The following PHTF2 variants were observed in gnomAD, a reference collection of about 807,000 sequenced individuals.
PHTF2 encodes protein PHTF2.
PHTF2 carries 60 observed loss-of-function variants against 101.2 expected under a neutral mutation model. That is an observed-to-expected ratio of 0.59 (90% CI 0.48 to 0.73). The LOEUF is 0.73. PHTF2 is among the 30% of genes least tolerant of loss of function. PHTF2 has a pLI of 0.00. For missense variants in PHTF2, 747 were observed against 908.7 expected (o/e 0.82, Z 2.29); for synonymous variants, 311 against 307.3 (o/e 1.01, Z -0.13).
chr7:77,880,830 A>T (rs1799348306), intron 3 of PHTF2, among the ~76,000 whole-genome samples: 1 of 152,210 alleles, frequency 6.6e-6, no homozygotes, highest in African/African-American at 2.4e-5. Flanking sequence ...GCATATTATC[A>T]TGCCTGGCAT....
At chr7:77,906,452 T>C (rs1490371544) in intron 7 of PHTF2, 1 of 152,130 alleles carries the variant, frequency 6.6e-6, no homozygotes, top group African/African-American at 2.4e-5. Context: ...AGGAAGAAAG[T>C]GGCTCCTCCT....
At chr7:77,869,931 A>G (rs1438747774) in intron 3 of PHTF2, among the ~76,000 whole-genome samples, 1 of 152,002 alleles carries the variant, frequency 6.6e-6, no homozygotes, top group Non-Finnish European at 1.5e-5. Flanking sequence ...ATATATTTGA[A>G]TTGGATTATT....
chr7:77,945,917 A>G (rs1202681030), intron 16 of PHTF2, among the ~76,000 whole-genome samples: 1 of 152,212 alleles, frequency 6.6e-6, no homozygotes, highest in Non-Finnish European at 1.5e-5. Context: ...ATAATCCTAA[A>G]CTTACACAAA....
intron 5 of PHTF2, among the ~76,000 whole-genome samples, chr7:77,899,371 C>G (rs1019067767): frequency 6.6e-6 from 1 of 151,364 alleles, no homozygotes; most frequent in Non-Finnish European, 1.5e-5. Context: ...TTTTTTCACT[C>G]CATGCGTGTC....
At chr7:77,866,245 A>T (rs1798057578) in intron 3 of PHTF2, among the ~76,000 whole-genome samples, 1 of 152,026 alleles carries the variant, frequency 6.6e-6, no homozygotes, top group African/African-American at 2.4e-5. Flanking sequence ...ACATTTCCTG[A>T]AGTGTGCTCT....
intron 7 of PHTF2, among the ~76,000 whole-genome samples, chr7:77,902,873 T>C (rs1801525554): frequency 6.6e-6 from 1 of 152,188 alleles, no homozygotes; most frequent in African/African-American, 2.4e-5. Context: ...TTACATCTTA[T>C]ATACATAAAA....
At chr7:77,836,160 A>AT (rs1349722402) in intron 1 of PHTF2, among the ~76,000 whole-genome samples, 25 of 151,866 alleles carry the variant, frequency 1.6e-4, no homozygotes, top group African/African-American at 5.6e-4. Flanking sequence ...AGAAGAGAAA[A>AT]TACATTTACT....
intron 3 of PHTF2, among the ~76,000 whole-genome samples, chr7:77,890,599 CTTTTTTTTTTT>C (rs747882978): frequency 7.1e-5 from 6 of 84,210 alleles, no homozygotes; most frequent in East Asian, 3.3e-4. Flanking sequence ...AATAGTTACA[CTTTTTTTTTTT>C]TTTTTTTTTT....
At chr7:77,865,478 G>A (rs1033673300) in intron 3 of PHTF2, among the ~76,000 whole-genome samples, 4 of 152,074 alleles carry the variant, frequency 2.6e-5, no homozygotes, top group African/African-American at 9.7e-5. Context: ...ACCCAGCGCA[G>A]CCTCCTAAAG....
At chr7:77,909,366 GT>G (rs977245331) in intron 8 of PHTF2, 95 of 142,402 alleles carry the variant, frequency 6.7e-4, no homozygotes, top group African/African-American at 1.4e-3. Context: ...GTTTTGTTTT[GT>G]TTTTTTTTTT....
At chr7:77,932,535 A>G (rs1804662102) in intron 12 of PHTF2, among the ~76,000 whole-genome samples, 2 of 151,662 alleles carry the variant, frequency 1.3e-5, no homozygotes, top group African/African-American at 4.8e-5. Flanking sequence ...TTAAGTTACC[A>G]TTTGTGGAGA....
chr7:77,915,852 G>A (rs1331868912), intron 9 of PHTF2, among the ~76,000 whole-genome samples: 2 of 152,082 alleles, frequency 1.3e-5, no homozygotes, highest in Admixed American at 6.5e-5. Flanking sequence ...GAAACTACTA[G>A]CCTTGCTGTC....
intron 9 of PHTF2, among the ~76,000 whole-genome samples, chr7:77,918,694 T>C (rs1803167274): frequency 6.6e-6 from 1 of 152,210 alleles, no homozygotes; most frequent in African/African-American, 2.4e-5. Context: ...CTGCGTCTTT[T>C]ATTTTCTATT....
At position 77,935,112 on chromosome 7, in the gene PHTF2, G is replaced by T. The variant is rs564282398; in HGVS notation, c.1339-2598G>T. Among the ~76,000 whole-genome samples, 12 of 116,120 alleles carry T rather than the reference G, an allele frequency of 1.0e-4. 1 individual carries two copies. The highest frequency in any genetic ancestry group is 4.0e-4 in the African/African-American group (11 of 27,266). 76.2% of individuals were successfully genotyped at this position (116,120 alleles called of 152,430 possible). ...CATGATTCAACAAGACTGTTTTTCA[G>T]TGTACATTCCCCCCCCCCACACACA... On this transcript the variant is annotated intron_variant, in intron 12 of 19. Transcript: ENST00000416283.
chr7:77,810,577 G>A (rs191834458), intron 1 of PHTF2, among the ~76,000 whole-genome samples: 32 of 152,134 alleles, frequency 2.1e-4, no homozygotes, highest in Admixed American at 1.2e-3. Context: ...TTGCTCTGTC[G>A]TCCAGGCTGG....
intron 6 of PHTF2, 97 bp from the exon 6 acceptor site, chr7:77,901,665 A>G (rs1562931162): frequency 1.9e-6 from 1 of 530,372 alleles, no homozygotes; most frequent in Non-Finnish European, 3.1e-6. Context: ...GAATAAAATT[A>G]TGTGGTGATG....
intron 3 of PHTF2, among the ~76,000 whole-genome samples, chr7:77,862,512 C>G (rs1159997614): frequency 2.6e-5 from 4 of 152,054 alleles, no homozygotes; most frequent in Non-Finnish European, 5.9e-5. Context: ...TAGCGGTTGC[C>G]AGATACAGCA....
intron 16 of PHTF2, among the ~76,000 whole-genome samples, chr7:77,945,643 G>T (rs1805990093): frequency 1.3e-5 from 2 of 152,166 alleles, no homozygotes; most frequent in South Asian, 4.1e-4. Flanking sequence ...CTATTAAACT[G>T]TAAACAGTTT....
intron 3 of PHTF2, among the ~76,000 whole-genome samples, chr7:77,857,245 C>A (rs1043632921): frequency 3.3e-5 from 5 of 152,134 alleles, no homozygotes; most frequent in African/African-American, 9.7e-5. Flanking sequence ...GGAGCTACCT[C>A]TAGATGTGTT....
Sources: gnomAD v4.1 joint callset for allele counts (sites outside exome capture counted in the v4.1 genomes callset) on GRCh38, gnomAD v4.1.1 for gene constraint, MANE v1.5 for transcripts, NCBI Gene and HGNC (gene_info 2026-07-23, HGNC 2026-07-21) for gene names.